Variants in CLN6 observed in about 807,000 individuals in gnomAD.
The protein encoded by CLN6 is ceroid-lipofuscinosis neuronal protein 6.
In CLN6, 22 loss-of-function variants were observed where a neutral mutation model predicts 33.3. The observed-to-expected ratio is 0.66, with a 90% CI of 0.47 to 0.94. CLN6 has a LOEUF of 0.94. CLN6 is among the 40% of genes least tolerant of loss of function. The pLI, the probability that CLN6 is intolerant of heterozygous loss-of-function variation, is 0.00. For synonymous variants in CLN6, 201 were observed against 174.6 expected (o/e 1.15, Z -1.19); for missense variants, 387 against 417.1 (o/e 0.93, Z 0.63).
At chr15:68,212,152 G>A (rs1380843195) in intron 3 of CLN6, 1 of 453,806 alleles carries the variant, frequency 2.2e-6, no homozygotes, top group Non-Finnish European at 4.1e-6. Flanking sequence ...GTAGGCTGGA[G>A]GGGACAGCCC....
At chr15:68,240,125 T>C (rs1009548573) in intron 1 of CLN6, among the ~76,000 whole-genome samples, 4 of 152,212 alleles carry the variant, frequency 2.6e-5, no homozygotes, top group African/African-American at 9.6e-5. Flanking sequence ...GGGAAATTTA[T>C]AGCTTTAGCT....
At position 68,241,160 on chromosome 15, in the gene CLN6, T is replaced by C. The variant is rs1297171387; in HGVS notation, c.179+15530A>G. On this transcript the variant is annotated intron_variant, in intron 1 of 6. Transcript: ENST00000538696. This position sits in a 1 kb window ranked among gnomAD's most constrained non-coding sequence, Gnocchi z 4.2. ...AGAAAGGGAAACATTTCTAAAAACA[T>C]ATAACTTATCAAAGCTGCATCAAGA... Among the ~76,000 whole-genome samples the C allele has an allele frequency of 1.3e-5, 2 of 152,146 alleles. No homozygotes were observed. Among genetic ancestry groups the C allele is most frequent in the East Asian group, 3.9e-4 (2 of 5,194 alleles).
Position 68,220,744 on chromosome 15 carries a change from T to C in CLN6, c.84-2094A>G, listed in dbSNP as rs570760679. ...GCAGTTCACACTGGCTTTCTGTCACTTGCAACCCAGTCGTCCTGAATAACA... is the reference window on the plus strand; with the variant it reads ...GCAGTTCACACTGGCTTTCTGTCACCTGCAACCCAGTCGTCCTGAATAACA... On this transcript the variant is annotated intron_variant, in intron 1 of 6. Coordinates refer to ENST00000249806, the MANE Select transcript of CLN6 (RefSeq NM_017882.3). This position sits in a 1 kb window ranked among gnomAD's most constrained non-coding sequence, Gnocchi z 4.2. Among the ~76,000 whole-genome samples the C allele has an allele frequency of 2.3e-3, 356 of 152,382 alleles. 2 individuals carry two copies. The highest frequency in any genetic ancestry group is 8.1e-3 in the African/African-American group (338 of 41,594).
rs1892440787 is a variant in CLN6 at position 68,256,687 on chromosome 15, T to C, written c.179+3A>G. The C allele has an allele frequency of 3.0e-6, 2 of 661,550 alleles. No homozygotes were observed. The highest frequency in any genetic ancestry group is 2.4e-5 in the Admixed American group (1 of 42,038). The allele number at this position is 661,550 out of a possible 1,614,324, so 41.0% of individuals were successfully genotyped here. On this transcript the variant is annotated splice_donor_region_variant and intron_variant, in intron 1 of 6. Coordinates refer to the CLN6 transcript ENST00000538696. The surrounding 1 kb of genome is among the most constrained non-coding windows in gnomAD (Gnocchi z 4.1). ...GCGCTGCTCTCATTGCCTTGAAACTTACTTTTTACCTTTGAATTTGAGTTT... is the reference window on the plus strand; with the variant it reads ...GCGCTGCTCTCATTGCCTTGAAACTCACTTTTTACCTTTGAATTTGAGTTT...
chr15:68,209,825 C>G lies in CLN6; in HGVS notation c.543-66G>C. 1 of 1,603,890 alleles carries G rather than the reference C, an allele frequency of 6.2e-7. No individual in the cohort carries two copies. The highest frequency in any genetic ancestry group is 8.5e-7 in the Non-Finnish European group (1 of 1,175,244). On this transcript the variant is annotated intron_variant, in intron 5 of 6. Coordinates refer to ENST00000249806, the MANE Select transcript of CLN6 (RefSeq NM_017882.3). The surrounding 1 kb of genome is among the most constrained non-coding windows in gnomAD (Gnocchi z 4.9). ...GCCCTCTTCCCCACAACCTCTGCAA[C>G]CACTCCCATGGGGTCTCATGGAGTG...
At chr15:68,237,106 G>A (rs1334517803) in intron 1 of CLN6, among the ~76,000 whole-genome samples, 1 of 139,086 alleles carries the variant, frequency 7.2e-6, no homozygotes, top group Non-Finnish European at 1.5e-5. Flanking sequence ...GCAGTGAGCC[G>A]AGATTGCGCC....
In CLN6 at chr15:68,208,000, G is replaced by C. The variant is rs1468137392; in HGVS notation, c.*140C>G. The stretch of plus-strand genomic sequence containing the variant: ...ACAAGACACACACACACACACACAC[G>C]AATCCACGCACACGAGGCACACCCC... On this transcript the variant is annotated 3_prime_UTR_variant, in exon 7 of 7. Transcript: ENST00000249806. 3 of 761,824 alleles carry C rather than the reference G, an allele frequency of 3.9e-6. No individual in the cohort carries two copies. Among genetic ancestry groups the C allele is most frequent in the African/African-American group, 3.8e-5 (2 of 52,824 alleles). The allele number at this position is 761,824 out of a possible 1,614,324, so 47.2% of individuals were successfully genotyped here.
intron 1 of CLN6, among the ~76,000 whole-genome samples, chr15:68,248,713 G>A (rs939431811): frequency 6.6e-6 from 1 of 151,868 alleles, no homozygotes; most frequent in African/African-American, 2.4e-5. Flanking sequence ...GAAAACCTTG[G>A]GGAAATGCTC....
Position 68,210,583 on chromosome 15 carries a change from C to T in CLN6, c.542+680G>A, listed in dbSNP as rs919268036. Among the ~76,000 whole-genome samples the T allele has an allele frequency of 2.6e-5, 4 of 152,186 alleles. No individual in the cohort carries two copies. Among genetic ancestry groups the T allele is most frequent in the African/African-American group, 9.7e-5 (4 of 41,450 alleles). ...GCTGGCCCTCACCTCCCAGCTGCAGCCTTCGGAGCCCTCCTCCCTCTGGCC... is the reference window on the plus strand; with the variant it reads ...GCTGGCCCTCACCTCCCAGCTGCAGTCTTCGGAGCCCTCCTCCCTCTGGCC... On this transcript the variant is annotated intron_variant, in intron 5 of 6. Coordinates refer to ENST00000249806, the MANE Select transcript of CLN6 (RefSeq NM_017882.3). This position sits in a 1 kb window ranked among gnomAD's most constrained non-coding sequence, Gnocchi z 5.6.
intron 1 of CLN6, among the ~76,000 whole-genome samples, chr15:68,224,451 G>A (rs1245172443): frequency 4.0e-5 from 6 of 151,028 alleles, no homozygotes; most frequent in South Asian, 2.1e-4. Flanking sequence ...ACGAAACTCC[G>A]TCTCTACTAA....
chr15:68,244,222 C>A (rs901541573), intron 1 of CLN6, among the ~76,000 whole-genome samples: 2 of 151,986 alleles, frequency 1.3e-5, no homozygotes, highest in Admixed American at 6.6e-5. Flanking sequence ...GAACACCAAG[C>A]AGTTTTCGCC....
Position 68,208,108 on chromosome 15 carries a change from C to CCCCCAGAG in CLN6, c.*31_*32insCTCTGGGG. The CCCCCAGAG allele has an allele frequency of 6.3e-7, 1 of 1,588,916 alleles. No homozygotes were observed. Among genetic ancestry groups the CCCCCAGAG allele is most frequent in the Non-Finnish European group, 8.6e-7 (1 of 1,167,448 alleles). On this transcript the variant is annotated 3_prime_UTR_variant, in exon 7 of 7. Transcript: ENST00000249806. The surrounding 1 kb of genome is among the most constrained non-coding windows in gnomAD (Gnocchi z 5.8). Reference sequence around the variant, plus strand: ...TGCCCTCCATGGCCCACCCTCCCACCCAGCAGAGCGCCAGAGCCTGGTGCC... The same window carrying CCCCCAGAG: ...TGCCCTCCATGGCCCACCCTCCCACCCCCCAGAGCAGCAGAGCGCCAGAGCCTGGTGCC...
chr15:68,254,660 G>A, intron 1 of CLN6: 1 of 715,286 alleles, frequency 1.4e-6, no homozygotes, highest in Middle Eastern at 3.0e-4. Context: ...TGAAGGTGAT[G>A]CTAAAGGAGA....
At chr15:68,229,174 C>T (rs1467574132) in intron 1 of CLN6, among the ~76,000 whole-genome samples, 1 of 152,192 alleles carries the variant, frequency 6.6e-6, no homozygotes, top group East Asian at 1.9e-4. Flanking sequence ...GCTCTCCCAG[C>T]GCAGCGGCTG....
At chr15:68,235,587 A>AAT (rs59823320) in intron 1 of CLN6, among the ~76,000 whole-genome samples, 81 of 95,036 alleles carry the variant, frequency 8.5e-4, no homozygotes, top group African/African-American at 3.3e-3. Context: ...AATAAAAATA[A>AAT]ATATATATAT....
rs2093190106 is a variant in CLN6, at chr15:68,207,476, G to T, written c.*664C>A. On this transcript the variant is annotated 3_prime_UTR_variant, in exon 7 of 7. Transcript: ENST00000249806. Reference sequence around the variant, plus strand: ...ACCTCATGGGCCTGAGCCTGGGCAGGGGTCTGGAGTGCACATAGCCCCCAG... The same window carrying T: ...ACCTCATGGGCCTGAGCCTGGGCAGTGGTCTGGAGTGCACATAGCCCCCAG... 1 of 156,798 alleles carries T rather than the reference G, an allele frequency of 6.4e-6. No individual in the cohort carries two copies. 9.7% of individuals were successfully genotyped at this position (156,798 alleles called of 1,614,324 possible). A position where few individuals can be genotyped will look rare whatever the true frequency, so the allele number is the denominator to read the frequency against.
chr15:68,214,603 G>A (rs867929203), intron 2 of CLN6: 7 of 535,208 alleles, frequency 1.3e-5, no homozygotes, highest in Admixed American at 1.0e-4. Context: ...AGGAGGTAAC[G>A]GACTTGTCCC....
chr15:68,216,105 G>A (rs1185889671), intron 2 of CLN6, among the ~76,000 whole-genome samples: 2 of 152,216 alleles, frequency 1.3e-5, no homozygotes, highest in African/African-American at 4.8e-5. Context: ...AGTGGTCACA[G>A]CAGCTCTAAG....
intron 1 of CLN6, among the ~76,000 whole-genome samples, chr15:68,244,823 G>A (rs555476278): frequency 1.1e-4 from 17 of 152,208 alleles, no homozygotes; most frequent in Admixed American, 2.0e-4. Flanking sequence ...GGAGGCCAAG[G>A]TGGGTGGATC....
Sources: allele counts gnomAD v4.1 joint callset (sites outside exome capture counted in the v4.1 genomes callset), GRCh38; gene constraint gnomAD v4.1.1; non-coding constraint Gnocchi (gnomAD v3.1); transcripts MANE v1.5; gene names NCBI Gene and HGNC (gene_info 2026-07-23, HGNC 2026-07-21).